SYT17: variants seen among roughly 807,000 people sequenced by gnomAD.
SYT17 encodes synaptotagmin 17.
Under a neutral mutation model 46.7 loss-of-function variants are expected in SYT17, and 22 were observed. The observed-to-expected ratio is 0.47, with a 90% CI of 0.34 to 0.67. The LOEUF (loss-of-function observed/expected upper bound fraction) is 0.67. Ranked by LOEUF, SYT17 falls within the 30% of genes least tolerant of loss-of-function variation. The pLI is 0.01. For missense variants in SYT17, 519 were observed against 612.8 expected, an observed-to-expected ratio of 0.85 and a Z score of 1.62; for synonymous variants, 251 against 248.4, an observed-to-expected ratio of 1.01 and a Z score of -0.10.
chr16:19,264,250 G>A (rs1041509146), intron 7 of SYT17, among the ~76,000 whole-genome samples: 2 of 152,138 alleles, frequency 1.3e-5, no homozygotes, highest in Non-Finnish European at 2.9e-5. Flanking sequence ...CGGCCTGAAT[G>A]GACTAAGACA....
rs148005905 is a variant in SYT17 at position 19,201,721 on chromosome 16, G to A, written c.951+17574G>A. 2.6e-3 allele frequency among the ~76,000 whole-genome samples: 385 copies of A among 150,338 alleles called. 2 individuals carry two copies. Among genetic ancestry groups the A allele is most frequent in the African/African-American group, 9.1e-3 (372 of 40,936 alleles). ...AATAGATCTATTAGATTCTTACAGT[G>A]TGCCAGTATAGTGGGTAAGGGAGTA... On this transcript the variant is annotated intron_variant, in intron 5 of 7. Coordinates refer to ENST00000355377, the MANE Select transcript of SYT17 (RefSeq NM_016524.4).
intron 7 of SYT17, among the ~76,000 whole-genome samples, chr16:19,225,637 G>T (rs940537766): frequency 5.3e-5 from 8 of 152,120 alleles, no homozygotes; most frequent in African/African-American, 1.9e-4. Flanking sequence ...AGGCTCAACT[G>T]GGGGAGGATC....
At chr16:19,205,039 C>T (rs1393677521) in intron 5 of SYT17, among the ~76,000 whole-genome samples, 1 of 152,246 alleles carries the variant, frequency 6.6e-6, no homozygotes, top group African/African-American at 2.4e-5. Flanking sequence ...ACCTTCACTT[C>T]TCACCTGCAG....
At chr16:19,243,248 A>T (rs1007237854) in intron 7 of SYT17, among the ~76,000 whole-genome samples, 1 of 152,152 alleles carries the variant, frequency 6.6e-6, no homozygotes, top group Non-Finnish European at 1.5e-5. Context: ...TGGCCACAGG[A>T]GGCTCTTTGG....
chr16:19,177,759 A>G (rs1964371859), intron 3 of SYT17, among the ~76,000 whole-genome samples: 1 of 152,188 alleles, frequency 6.6e-6, no homozygotes, highest in Non-Finnish European at 1.5e-5. Flanking sequence ...GAAGATTAGG[A>G]AAACTGCACA....
chr16:19,209,435 A>G (rs1023527369), intron 5 of SYT17, among the ~76,000 whole-genome samples: 8 of 152,116 alleles, frequency 5.3e-5, no homozygotes, highest in African/African-American at 1.9e-4. Flanking sequence ...AGTCAGGGAA[A>G]CCCAGATTAA....
intron 7 of SYT17, among the ~76,000 whole-genome samples, chr16:19,262,571 C>G (rs1363250849): frequency 1.3e-5 from 2 of 152,208 alleles, no homozygotes; most frequent in Non-Finnish European, 2.9e-5. Context: ...TCCAGTTGTT[C>G]TCCTCAACTG....
intron 7 of SYT17, 148 bp downstream of exon 7, chr16:19,224,986 G>T: frequency 8.0e-6 from 7 of 873,500 alleles, no homozygotes; most frequent in Non-Finnish European, 1.2e-5. Flanking sequence ...TAACATCTAT[G>T]AACTGGGGCA....
chr16:19,237,728 A>G (rs1247694304), intron 7 of SYT17, among the ~76,000 whole-genome samples: 1 of 152,156 alleles, frequency 6.6e-6, no homozygotes, highest in Non-Finnish European at 1.5e-5. Flanking sequence ...GTTTTCTTCT[A>G]CCCTACCACC....
At position 19,220,205 on chromosome 16, in the gene SYT17, T is replaced by A. The variant is rs985116078; in HGVS notation, c.952-2840T>A. Among the ~76,000 whole-genome samples the A allele has an allele frequency of 6.6e-5, 10 of 151,976 alleles. No individual in the cohort carries two copies. In the East Asian group the frequency reaches 1.9e-3, roughly 29 times the overall value. On this transcript the variant is annotated intron_variant, in intron 5 of 7. Transcript: ENST00000355377. ...GCAGAAATGGACAGATGAGGTATGA[T>A]GTGAAGGGGGCAGGTCCCATCTAAA...
intron 5 of SYT17, among the ~76,000 whole-genome samples, chr16:19,212,800 A>AT (rs1385325538): frequency 6.6e-6 from 1 of 152,150 alleles, no homozygotes; most frequent in Non-Finnish European, 1.5e-5. Context: ...CAAGCAATCC[A>AT]TTTTCCTTGG....
At chr16:19,190,253 C>T (rs1455520487) in intron 5 of SYT17, among the ~76,000 whole-genome samples, 1 of 152,130 alleles carries the variant, frequency 6.6e-6, no homozygotes, top group Non-Finnish European at 1.5e-5. Flanking sequence ...CACCTATAAT[C>T]CCAGCTACTT....
chr16:19,177,155 G>A (rs904974212), intron 3 of SYT17, among the ~76,000 whole-genome samples: 3 of 152,118 alleles, frequency 2.0e-5, no homozygotes, highest in Admixed American at 6.5e-5. Context: ...AGGGGCAAGG[G>A]GGCTGGGACC....
intron 5 of SYT17, among the ~76,000 whole-genome samples, chr16:19,186,075 G>A (rs1006642558): frequency 2.6e-5 from 4 of 152,152 alleles, no homozygotes; most frequent in Non-Finnish European, 4.4e-5. Context: ...AGGTCACTGC[G>A]GGAGCAGGTT....
chr16:19,243,121 C>T (rs564550660), intron 7 of SYT17, among the ~76,000 whole-genome samples: 1 of 152,074 alleles, frequency 6.6e-6, no homozygotes, highest in Admixed American at 6.6e-5. Context: ...TAGAAACAGC[C>T]ATAGGCAAGG....
chr16:19,189,459 G>C (rs1964928034), intron 5 of SYT17, among the ~76,000 whole-genome samples: 1 of 151,208 alleles, frequency 6.6e-6, no homozygotes, highest in Non-Finnish European at 1.5e-5. Flanking sequence ...TCCTACCTCA[G>C]CCTTTCAAGT....
At chr16:19,255,848 C>T (rs979216459) in intron 7 of SYT17, among the ~76,000 whole-genome samples, 2 of 152,128 alleles carry the variant, frequency 1.3e-5, no homozygotes, top group Non-Finnish European at 2.9e-5. Context: ...TACCTTGGGC[C>T]TCATGCTGTA....
intron 7 of SYT17, among the ~76,000 whole-genome samples, chr16:19,254,004 C>T (rs956650207): frequency 6.6e-6 from 1 of 152,192 alleles, no homozygotes; most frequent in African/African-American, 2.4e-5. Context: ...GGTGGGATTA[C>T]AGGGGTGAAC....
Position 19,223,090 on chromosome 16 carries a change from C to G in SYT17, c.997C>G (p.Pro333Ala). 1 of 1,614,004 alleles carries G rather than the reference C, an allele frequency of 6.2e-7. No homozygotes were observed. The highest frequency in any genetic ancestry group is 1.1e-5 in the South Asian group (1 of 91,062). ...GCTGCTTCTGTCACTGAATTATCTCCCAAGTGCTGGCAGACTGAATGTTGA... is the reference window on the plus strand; with the variant it reads ...GCTGCTTCTGTCACTGAATTATCTCGCAAGTGCTGGCAGACTGAATGTTGA... ...GELLLSLNYL[P>A]SAGRLNVDVI... Residue 333 changes from proline (P) to alanine (A), a missense_variant, in exon 6 of 8, where the codon CCA (proline) becomes GCA (alanine). By Grantham distance (27) the Pro-to-Ala change is conservative. Coordinates refer to ENST00000355377, the MANE Select transcript of SYT17 (RefSeq NM_016524.4).
Sources: gnomAD v4.1 joint callset for allele counts (sites outside exome capture counted in the v4.1 genomes callset) on GRCh38, gnomAD v4.1.1 for gene constraint, MANE v1.5 for transcripts, NCBI Gene and HGNC (gene_info 2026-07-23, HGNC 2026-07-21) for gene names.